DCDC2: variants seen among roughly 807,000 people sequenced by gnomAD.
DCDC2 encodes the protein doublecortin domain containing 2, also known as doublecortin domain-containing protein 2.
In DCDC2, 40 loss-of-function variants were observed where a neutral mutation model predicts 50.2. That is an observed-to-expected ratio of 0.80 (90% CI 0.62 to 1.04). The LOEUF (loss-of-function observed/expected upper bound fraction) is 1.04, where lower values mean the gene tolerates loss of function less well. Ranked by LOEUF, DCDC2 falls within the 50% of genes least tolerant of loss-of-function variation. The pLI is 0.00. For missense variants in DCDC2, 570 were observed against 581.9 expected, an observed-to-expected ratio of 0.98 and a Z score of 0.21; for synonymous variants, 234 against 210.6, an observed-to-expected ratio of 1.11 and a Z score of -0.96.
At chr6:24,266,992 C>G (rs1259342106) in intron 7 of DCDC2, among the ~76,000 whole-genome samples, 1 of 152,142 alleles carries the variant, frequency 6.6e-6, no homozygotes, top group Non-Finnish European at 1.5e-5. Context: ...GAATGAGATA[C>G]TGTCATTTCC....
upstream of DCDC2, among the ~76,000 whole-genome samples, chr6:24,359,439 TATATAGTATATATATTTATATATAC>T (rs1445183637): frequency 1.6e-4 from 11 of 68,746 alleles, 1 homozygote; most frequent in African/African-American, 6.9e-4. Flanking sequence ...TTATATATAC[TATATAGTATATATATTTATATATAC>T]TATATAATAT....
Position 24,291,098 on chromosome 6 carries a change from C to T in DCDC2, c.558-20G>A, listed in dbSNP as rs1306992881. On this transcript the variant is annotated intron_variant, in intron 4 of 9. Transcript: ENST00000378454. ...TAAAGCCTGTCGAAAATATGAACAC[C>T]AACAATTAGAATTTTAACCAACATT... The T allele has an allele frequency of 6.3e-7, 1 of 1,599,520 alleles. No homozygotes were observed. Among genetic ancestry groups the T allele is most frequent in the East Asian group, 2.2e-5 (1 of 44,604 alleles).
At chr6:24,186,514 T>G (rs73391956) in intron 8 of DCDC2, among the ~76,000 whole-genome samples, 6 of 152,022 alleles carry the variant, frequency 3.9e-5, no homozygotes, top group African/African-American at 1.5e-4. Context: ...CACTTCTTAT[T>G]GAAGAACAGT....
rs1273135889 is a variant in DCDC2, at chr6:24,173,273, A to T, written c.*1457T>A. ...TGGAAAATACCAAAATCATATTAAG[A>T]AAAAACACATCTATTTTCTATAGTA... On this transcript the variant is annotated 3_prime_UTR_variant, in exon 10 of 10. Transcript: ENST00000378454. The T allele has an allele frequency of 2.0e-5, 3 of 151,990 alleles. No homozygotes were observed. The highest frequency in any genetic ancestry group is 1.3e-4 in the Admixed American group (2 of 15,272). The allele number at this position is 151,990 out of a possible 1,614,324, so 9.4% of individuals were successfully genotyped here.
intron 8 of DCDC2, among the ~76,000 whole-genome samples, chr6:24,181,137 C>T (rs1214531571): frequency 6.6e-6 from 1 of 152,136 alleles, no homozygotes; most frequent in Non-Finnish European, 1.5e-5. Context: ...TATCCCTCAG[C>T]ATGTCGTCAG....
At chr6:24,247,109 G>T (rs1336894419) in intron 7 of DCDC2, among the ~76,000 whole-genome samples, 1 of 152,070 alleles carries the variant, frequency 6.6e-6, no homozygotes, top group African/African-American at 2.4e-5. Context: ...AATCCCCAAA[G>T]ACCACATGAA....
chr6:24,359,813 G>A (rs940826764), upstream of DCDC2, among the ~76,000 whole-genome samples: 1 of 152,130 alleles, frequency 6.6e-6, no homozygotes, highest in African/African-American at 2.4e-5. Context: ...GAAGACTCGC[G>A]TGTCTAGGAC....
intron 2 of DCDC2, among the ~76,000 whole-genome samples, chr6:24,332,198 C>T (rs1384563545): frequency 6.6e-6 from 1 of 152,174 alleles, no homozygotes; most frequent in Non-Finnish European, 1.5e-5. Flanking sequence ...TTTGCCACTT[C>T]CCATCAAGAG....
intron 8 of DCDC2, among the ~76,000 whole-genome samples, chr6:24,200,897 C>A (rs952687583): frequency 6.6e-6 from 1 of 150,376 alleles, no homozygotes; most frequent in African/African-American, 2.4e-5. Flanking sequence ...CAACAAAGAA[C>A]AAAAAAGACA....
At chr6:24,370,755 G>C in the DCDC2 span, among the ~76,000 whole-genome samples, 4 of 152,066 alleles carry the variant, frequency 2.6e-5, no homozygotes, top group African/African-American at 9.7e-5. Context: ...AAAAAACTGT[G>C]TATAACATGT....
At chr6:24,333,865 T>A (rs147781737) in intron 2 of DCDC2, among the ~76,000 whole-genome samples, 1 of 151,908 alleles carries the variant, frequency 6.6e-6, no homozygotes, top group Non-Finnish European at 1.5e-5. Flanking sequence ...GTGGCAGAAG[T>A]GGAGAGAAGA....
upstream of DCDC2, among the ~76,000 whole-genome samples, chr6:24,359,180 TTATA>T (rs1760585317): frequency 2.0e-5 from 1 of 50,326 alleles, no homozygotes; most frequent in African/African-American, 8.8e-5. Flanking sequence ...TATATATATT[TTATA>T]TATTTTATAT....
At chr6:24,339,069 C>T (rs568700001) in intron 2 of DCDC2, among the ~76,000 whole-genome samples, 2 of 152,272 alleles carry the variant, frequency 1.3e-5, no homozygotes, top group African/African-American at 2.4e-5. Context: ...AACCTCTTCC[C>T]GTGATTCAGC....
chr6:24,252,621 A>C (rs73726636), intron 7 of DCDC2, among the ~76,000 whole-genome samples: 3,626 of 152,338 alleles, frequency 0.024, 135 homozygotes, highest in African/African-American at 0.078. Flanking sequence ...AATGAGCAAG[A>C]AAGTAGAAAG....
At chr6:24,308,181 A>G (rs1183017595) in intron 2 of DCDC2, among the ~76,000 whole-genome samples, 3 of 152,246 alleles carry the variant, frequency 2.0e-5, no homozygotes, top group African/African-American at 7.2e-5. Context: ...GGAATCCCAT[A>G]GTGTGGAAAG....
chr6:24,304,552 G>C (rs1759436075), intron 2 of DCDC2, among the ~76,000 whole-genome samples: 1 of 152,142 alleles, frequency 6.6e-6, no homozygotes, highest in Non-Finnish European at 1.5e-5. Flanking sequence ...GTGGTTAAAG[G>C]GGGTGTACAG....
At chr6:24,248,098 TA>T (rs566186342) in intron 7 of DCDC2, among the ~76,000 whole-genome samples, 1 of 151,914 alleles carries the variant, frequency 6.6e-6, no homozygotes, top group African/African-American at 2.4e-5. Context: ...AAAACAAAAA[TA>T]AAAAAAGAAT....
chr6:24,251,168 G>T (rs2113798896), intron 7 of DCDC2, among the ~76,000 whole-genome samples: 1 of 152,244 alleles, frequency 6.6e-6, no homozygotes, highest in African/African-American at 2.4e-5. Context: ...CTGGCTAATT[G>T]GAGTTTAGAA....
chr6:24,288,192 G>C (rs900909605), intron 6 of DCDC2, among the ~76,000 whole-genome samples: 1 of 152,122 alleles, frequency 6.6e-6, no homozygotes, highest in Admixed American at 6.5e-5. Context: ...ACAACTTGTC[G>C]GGCAATTCAA....
Sources: allele counts gnomAD v4.1 joint callset (sites outside exome capture counted in the v4.1 genomes callset), GRCh38; gene constraint gnomAD v4.1.1; transcripts MANE v1.5; gene names NCBI Gene and HGNC (gene_info 2026-07-23, HGNC 2026-07-21).